GAS6: variants seen among roughly 807,000 people sequenced by gnomAD.
GAS6 encodes the protein growth arrest-specific protein 6.
GAS6 carries 41 observed loss-of-function variants against 75.8 expected under a neutral mutation model. The ratio of observed to expected loss-of-function variants is 0.54; its 90% CI spans 0.42 to 0.70. GAS6 has a LOEUF of 0.70. Ranked by LOEUF, GAS6 falls within the 30% of genes least tolerant of loss-of-function variation. The pLI, the probability that GAS6 is intolerant of heterozygous loss-of-function variation, is 0.00. For synonymous variants in GAS6, 432 were observed against 412.6 expected (o/e 1.05, Z -0.57); for missense variants, 854 against 940.2 (o/e 0.91, Z 1.20).
intron 5 of GAS6, among the ~76,000 whole-genome samples, chr13:113,838,644 C>G (rs12868938): frequency 0.089 from 2,803 of 31,656 alleles, 353 homozygotes; most frequent in African/African-American, 0.17. Context: ...CCCAGCCCCG[C>G]AGCAGGAGGA....
Position 113,861,700 on chromosome 13 carries a change from GC to G in GAS6, c.255+1874del, listed in dbSNP as rs368272350. ...GGACTCAAGCCAGCCTCTGGACCCT[GC>G]CCCTGCCCCTGCCCCAACCAGGCTG... On this transcript the variant is annotated intron_variant, in intron 2 of 14. Coordinates refer to ENST00000327773, the MANE Select transcript of GAS6 (RefSeq NM_000820.4). 4.5e-4 allele frequency among the ~76,000 whole-genome samples: 69 copies of G among 152,236 alleles called. No individual in the cohort carries two copies. The East Asian group carries it at 0.012, about 27-fold the overall frequency.
Position 113,832,376 on chromosome 13 carries a change from C to T in GAS6, c.1066G>A (p.Glu356Lys). 1 of 1,610,702 alleles carries T rather than the reference C, an allele frequency of 6.2e-7. No homozygotes were observed. Among genetic ancestry groups the T allele is most frequent in the Admixed American group, 1.7e-5 (1 of 60,002 alleles). The stretch of plus-strand genomic sequence containing the variant: ...ACACCGTTGTAGCGCAGCTGCAGCT[C>T]CAGCCGGCCGGCTCTCAGGGCCAGC... ...IVLALRAGRL[E>K]LQLRYNGVGR... The change falls in exon 10 of 15, where the codon GAG becomes AAG. Residue 356 changes from glutamate to lysine, a missense_variant. By Grantham distance (56) the Glu-to-Lys change is moderately conservative. Coordinates refer to ENST00000327773, the MANE Select transcript of GAS6 (RefSeq NM_000820.4).
At position 113,837,408 on chromosome 13, in the gene GAS6, C is replaced by A. The variant is rs1468255803; in HGVS notation, c.589+661G>T. ...GTCAGCAGCAGCGCTAAGAACTATG[C>A]CAGAAACTCTCAGGGACACGCCTGG... On this transcript the variant is annotated intron_variant, in intron 6 of 14. Transcript: ENST00000327773. This position sits in a 1 kb window ranked among gnomAD's most constrained non-coding sequence, Gnocchi z 5.1. 6.6e-6 allele frequency among the ~76,000 whole-genome samples: 1 copy of A among 152,026 alleles called. No individual in the cohort carries two copies. Among genetic ancestry groups the A allele is most frequent in the Non-Finnish European group, 1.5e-5 (1 of 67,990 alleles).
intron 13 of GAS6, 89 bp downstream of exon 13, chr13:113,823,286 G>A (rs559872982): frequency 1.8e-4 from 254 of 1,379,958 alleles, no homozygotes; most frequent in African/African-American, 2.3e-4. Context: ...GGATCCCACC[G>A]CGGGCCCCCT....
rs927174608 is a variant in GAS6, at chr13:113,833,715, C to T, written c.834+836G>A. On this transcript the variant is annotated intron_variant, in intron 8 of 14. Coordinates refer to ENST00000327773, the MANE Select transcript of GAS6 (RefSeq NM_000820.4). ...GTCAGTGTGACAGGCAGTGGTGTGA[C>T]AGGCACCGGTGTGACAGGTCGGTGT... 3.2e-5 allele frequency: 32 copies of T among 1,004,758 alleles called. No individual in the cohort carries two copies. In the African/African-American group the frequency reaches 3.9e-4, roughly 12 times the overall value. The allele number at this position is 1,004,758 out of a possible 1,614,324, so 62.2% of individuals were successfully genotyped here.
intron 4 of GAS6, chr13:113,841,398 C>T (rs542582297): frequency 2.6e-5 from 4 of 152,762 alleles, no homozygotes; most frequent in Non-Finnish European, 4.4e-5. Context: ...GACGCTTCGC[C>T]GTATGCCTCA....
chr13:113,834,540 G>A lies in GAS6; in HGVS notation c.834+11C>T, dbSNP rs950068142. On this transcript the variant is annotated intron_variant, in intron 8 of 14. Transcript: ENST00000327773. ...CACCGTGAAGGGCCCGCGGGGCCAGGGGCCGCCTACCTCACAGGTGTCCAT... is the reference window on the plus strand; with the variant it reads ...CACCGTGAAGGGCCCGCGGGGCCAGAGGCCGCCTACCTCACAGGTGTCCAT... The A allele has an allele frequency of 3.2e-6, 5 of 1,548,886 alleles. No individual in the cohort carries two copies. Among genetic ancestry groups the A allele is most frequent in the Admixed American group, 2.1e-5 (1 of 48,096 alleles).
At chr13:113,851,671 G>C (rs1252079213) in intron 2 of GAS6, among the ~76,000 whole-genome samples, 1 of 152,222 alleles carries the variant, frequency 6.6e-6, no homozygotes, top group Admixed American at 6.5e-5. Context: ...GAATGAGTGG[G>C]TGGATGGGTG....
intron 14 of GAS6, 22 bp from the exon 15 acceptor site, chr13:113,821,040 A>T (rs1334254758): frequency 1.2e-6 from 2 of 1,609,458 alleles, no homozygotes; most frequent in East Asian, 2.2e-5. Context: ...GGAGAGAACA[A>T]CATATCTTAG....
At chr13:113,858,885 GTC>G (rs1297686927) in intron 2 of GAS6, among the ~76,000 whole-genome samples, 15 of 148,628 alleles carry the variant, frequency 1.0e-4, no homozygotes, top group African/African-American at 3.5e-4. Flanking sequence ...GACTATGTAA[GTC>G]TATGTGAATG....
chr13:113,835,378 T>C, intron 7 of GAS6, 135 bp downstream of exon 7: 1 of 1,059,186 alleles, frequency 9.4e-7, no homozygotes, highest in Non-Finnish European at 1.4e-6. Context: ...ATTACCAGGC[T>C]GATAGAAACA....
At position 113,820,989 on chromosome 13, in the gene GAS6, C is replaced by T. The variant is rs750814570; in HGVS notation, c.1912G>A (p.Ala638Thr). The change falls in exon 15 of 15, where the codon GCG becomes ACG. Residue 638 changes from alanine to threonine, a missense_variant. By Grantham distance (58) the Ala-to-Thr change is moderately conservative. Transcript: ENST00000327773. ...AGTGTCATGCAGCCGCGGTAGAACG[C>T]GGTGACTGGCGCTGAAGTCACCGGC... Reference protein sequence around the residue: ...DVPVTSAPVTAFYRGCMTLEV... With the variant: ...DVPVTSAPVTTFYRGCMTLEV... 2.4e-5 allele frequency: 39 copies of T among 1,612,524 alleles called. No homozygotes were observed. In the East Asian group the frequency reaches 6.7e-4, roughly 28 times the overall value.
chr13:113,830,423 C>T (rs567948888), intron 10 of GAS6, among the ~76,000 whole-genome samples: 196 of 141,908 alleles, frequency 1.4e-3, no homozygotes, highest in South Asian at 2.3e-3. Flanking sequence ...TGGCTCCATC[C>T]CCTGCAACAC....
At chr13:113,829,886 C>A (rs1415257105) in intron 10 of GAS6, among the ~76,000 whole-genome samples, 6 of 130,740 alleles carry the variant, frequency 4.6e-5, no homozygotes, top group African/African-American at 1.2e-4. Context: ...CAGGGAGACC[C>A]CCTGATCCAC....
At chr13:113,821,088 C>T in intron 14 of GAS6, 70 bp from the exon 15 acceptor site, 3 of 1,548,444 alleles carry the variant, frequency 1.9e-6, no homozygotes, top group South Asian at 1.1e-5. Context: ...CCCCCCACCC[C>T]CGGCAGCGCT....
At position 113,820,714 on chromosome 13, in the gene GAS6, T is replaced by G; in HGVS notation, c.*150A>C. On this transcript the variant is annotated 3_prime_UTR_variant, in exon 15 of 15. Coordinates refer to ENST00000327773, the MANE Select transcript of GAS6 (RefSeq NM_000820.4). Reference sequence around the variant, plus strand: ...AGTGCGCGGCGTCAGAGGCCCCAAGTCCATCTCACTATTTACAGATATGTT... The same window carrying G: ...AGTGCGCGGCGTCAGAGGCCCCAAGGCCATCTCACTATTTACAGATATGTT... 1.1e-6 allele frequency: 1 copy of G among 948,166 alleles called. No individual in the cohort carries two copies. The highest frequency in any genetic ancestry group is 1.5e-6 in the Non-Finnish European group (1 of 656,178). 58.7% of individuals were successfully genotyped at this position (948,166 alleles called of 1,614,324 possible).
At chr13:113,840,018 G>T in intron 4 of GAS6, 168 bp from the exon 5 acceptor site, 1 of 938,884 alleles carries the variant, frequency 1.1e-6, no homozygotes, top group Non-Finnish European at 1.6e-6. Flanking sequence ...GCTGGCCTAG[G>T]GCTGACAGAA....
chr13:113,846,613 G>T, intron 3 of GAS6, 24 bp from the exon 4 acceptor site: 26 of 1,602,940 alleles, frequency 1.6e-5, no homozygotes, highest in Non-Finnish European at 2.2e-5. Context: ...GGGAATGGAT[G>T]TCAGTCATCC....
chr13:113,832,637 G>T lies in GAS6; in HGVS notation c.950C>A (p.Thr317Asn). The T allele has an allele frequency of 6.2e-7, 1 of 1,612,750 alleles. No homozygotes were observed. The highest frequency in any genetic ancestry group is 8.5e-7 in the Non-Finnish European group (1 of 1,179,958). ...CCTCCTGTGGACACCTCCTCACCTGGTGGGCTGCAGCCTCTTGAAGCGCAG... is the reference window on the plus strand; with the variant it reads ...CCTCCTGTGGACACCTCCTCACCTGTTGGGCTGCAGCCTCTTGAAGCGCAG... ...IRLRFKRLQPTRLVAEFDFRT... is the reference protein window; with the variant it reads ...IRLRFKRLQPNRLVAEFDFRT... The change falls in exon 9 of 15, where the codon ACC becomes AAC. Residue 317 changes from threonine (T) to asparagine (N), a missense_variant. Transcript: ENST00000327773.
Sources: gnomAD v4.1 joint callset for allele counts (sites outside exome capture counted in the v4.1 genomes callset) on GRCh38, gnomAD v4.1.1 for gene constraint, Gnocchi (gnomAD v3.1) non-coding constraint, MANE v1.5 for transcripts, NCBI Gene and HGNC (gene_info 2026-07-23, HGNC 2026-07-21) for gene names.